Variants in NCOA7 observed in about 807,000 individuals in gnomAD.
NCOA7 encodes nuclear receptor coactivator 7.
Under a neutral mutation model 104.3 loss-of-function variants are expected in NCOA7, and 45 were observed. The observed-to-expected ratio is 0.43, with a 90% CI of 0.34 to 0.55. NCOA7 has a LOEUF of 0.55. Ranked by LOEUF, NCOA7 falls within the 20% of genes least tolerant of loss-of-function variation. NCOA7 has a pLI of 0.02. For synonymous variants in NCOA7, 398 were observed against 402.3 expected (o/e 0.99, Z 0.13); for missense variants, 1,041 against 1,119.7 (o/e 0.93, Z 1.00).
intron 4 of NCOA7, 92 bp downstream of exon 4, chr6:125,875,060 C>A: frequency 1.1e-6 from 1 of 929,658 alleles, no homozygotes; most frequent in South Asian, 1.4e-5. Context: ...TGGCTGCATT[C>A]CTCTTGTGTA....
chr6:125,840,803 G>A (rs1439344693), intron 2 of NCOA7, among the ~76,000 whole-genome samples: 1 of 149,186 alleles, frequency 6.7e-6, no homozygotes, highest in Admixed American at 6.7e-5. Context: ...GAGTCATCGT[G>A]CCTGGACACC....
chr6:125,835,232 A>C (rs1411211482), intron 2 of NCOA7, among the ~76,000 whole-genome samples: 1 of 152,216 alleles, frequency 6.6e-6, no homozygotes, highest in Non-Finnish European at 1.5e-5. Context: ...AAGACTGCTA[A>C]GTTTCCAAGT....
intron 2 of NCOA7, among the ~76,000 whole-genome samples, chr6:125,825,478 G>T (rs1778587422): frequency 6.6e-6 from 1 of 152,212 alleles, no homozygotes; most frequent in Admixed American, 6.5e-5. Context: ...TCCTGTGTAT[G>T]TGAGAATATA....
At chr6:125,850,090 G>T (rs1780991774) in intron 2 of NCOA7, among the ~76,000 whole-genome samples, 1 of 152,190 alleles carries the variant, frequency 6.6e-6, no homozygotes, top group African/African-American at 2.4e-5. Context: ...AGGACTGAAA[G>T]ATTAAAGCCC....
intron 3 of NCOA7, among the ~76,000 whole-genome samples, chr6:125,859,334 GTAGATTTGTCTAGAGGGGCC>G (rs1270795624): frequency 6.6e-6 from 1 of 152,174 alleles, no homozygotes; most frequent in Non-Finnish European, 1.5e-5. Context: ...GAGCTGCCAG[GTAGATTTGTCTAGAGGGGCC>G]TAGATTTCAT....
At chr6:125,927,512 T>C in intron 13 of NCOA7, 151 bp from the exon 14 acceptor site, 1 of 630,040 alleles carries the variant, frequency 1.6e-6, no homozygotes, top group Non-Finnish European at 2.8e-6. Flanking sequence ...TTTATTCTTT[T>C]ATTGGTGGTC....
intron 1 of NCOA7, chr6:125,810,409 A>C (rs1313793641): frequency 6.6e-6 from 1 of 152,184 alleles, no homozygotes; most frequent in Non-Finnish European, 1.5e-5. Flanking sequence ...TTAATTGACT[A>C]TCCTGATTTA....
chr6:125,866,999 T>A (rs1410961566), intron 3 of NCOA7, among the ~76,000 whole-genome samples: 1 of 152,248 alleles, frequency 6.6e-6, no homozygotes, highest in African/African-American at 2.4e-5. Flanking sequence ...GAAATATTTA[T>A]TTAAAGATGA....
chr6:125,889,877 C>G lies in NCOA7; in HGVS notation c.1823C>G (p.Ser608Cys). 1.2e-6 allele frequency: 2 copies of G among 1,612,438 alleles called. No individual in the cohort carries two copies. The highest frequency in any genetic ancestry group is 1.7e-6 in the Non-Finnish European group (2 of 1,179,568). ...AATGTGATTAAAGAGGCTCTAGACTCCTCTTTGGAATCTACTCTGGACAAC... is the reference window on the plus strand; with the variant it reads ...AATGTGATTAAAGAGGCTCTAGACTGCTCTTTGGAATCTACTCTGGACAAC... ...EANVIKEALD[S>C]SLESTLDNSC... The change falls in exon 9 of 16, where the codon TCC (serine) becomes TGC (cysteine). Residue 608 changes from serine to cysteine, a missense_variant. Around this residue, in one of 2 missense-constraint regions of NCOA7, gnomAD observed 914 missense variants for 942.7 expected, o/e 0.97. Transcript: ENST00000392477.
At chr6:125,842,937 A>G (rs1427004026) in intron 2 of NCOA7, among the ~76,000 whole-genome samples, 2 of 152,232 alleles carry the variant, frequency 1.3e-5, no homozygotes, top group Non-Finnish European at 2.9e-5. Flanking sequence ...GAATAGCCAT[A>G]GTAATGATTT....
chr6:125,829,778 T>C (rs1271056064), intron 2 of NCOA7, among the ~76,000 whole-genome samples: 1 of 152,114 alleles, frequency 6.6e-6, no homozygotes, highest in Non-Finnish European at 1.5e-5. Context: ...CCAGGTAATA[T>C]AGTAATCAGA....
At chr6:125,912,484 AGGTGGGACACTAG>A (rs1786663854) in intron 10 of NCOA7, among the ~76,000 whole-genome samples, 1 of 152,216 alleles carries the variant, frequency 6.6e-6, no homozygotes, top group Admixed American at 6.5e-5. Flanking sequence ...AGAGATAAAA[AGGTGGGACACTAG>A]GGTGTCATCA....
chr6:125,904,385 G>A (rs1785779704), intron 10 of NCOA7, among the ~76,000 whole-genome samples: 2 of 152,174 alleles, frequency 1.3e-5, no homozygotes, highest in African/African-American at 2.4e-5. Flanking sequence ...CTGCATCTCT[G>A]TCCTTTTTAC....
At chr6:125,803,677 T>C (rs923485291) in intron 1 of NCOA7, among the ~76,000 whole-genome samples, 2 of 152,360 alleles carry the variant, frequency 1.3e-5, no homozygotes, top group East Asian at 3.9e-4. Context: ...AAGAAGTACA[T>C]GGCCTTTTCT....
chr6:125,803,310 C>T (rs1337654730), intron 1 of NCOA7, among the ~76,000 whole-genome samples: 1 of 152,036 alleles, frequency 6.6e-6, no homozygotes, highest in Non-Finnish European at 1.5e-5. Context: ...TTTTTCATGC[C>T]CCTGTTTCCT....
intron 2 of NCOA7, among the ~76,000 whole-genome samples, chr6:125,831,338 A>G (rs17780583): frequency 0.072 from 10,954 of 152,280 alleles, 460 homozygotes; most frequent in Non-Finnish European, 0.095. Flanking sequence ...TAGTGTACCT[A>G]TAGTGGTTCC....
At chr6:125,812,536 C>G (rs1454265593) in intron 1 of NCOA7, among the ~76,000 whole-genome samples, 1 of 152,194 alleles carries the variant, frequency 6.6e-6, no homozygotes, top group Non-Finnish European at 1.5e-5. Context: ...GAATAGTTGT[C>G]AGGCTTCCAA....
intron 2 of NCOA7, among the ~76,000 whole-genome samples, chr6:125,819,025 T>C (rs1185218078): frequency 6.6e-6 from 1 of 152,206 alleles, no homozygotes; most frequent in Non-Finnish European, 1.5e-5. Context: ...ACCCTGATGC[T>C]GTGCCTGCTG....
intron 6 of NCOA7, among the ~76,000 whole-genome samples, chr6:125,881,902 G>A (rs1783870077): frequency 6.6e-6 from 1 of 152,056 alleles, no homozygotes; most frequent in African/African-American, 2.4e-5. Context: ...CCAGACTGCT[G>A]TAGTGCAATG....
Sources: allele counts gnomAD v4.1 joint callset (sites outside exome capture counted in the v4.1 genomes callset), GRCh38; gene constraint gnomAD v4.1.1; regional missense constraint gnomAD v4.1.1; transcripts MANE v1.5; gene names NCBI Gene and HGNC (gene_info 2026-07-23, HGNC 2026-07-21).